Variants in OXR1 observed in about 807,000 individuals in gnomAD.
OXR1 encodes oxidation resistance protein 1.
A neutral mutation model predicts 104.6 loss-of-function variants in OXR1; 41 were observed. That is an observed-to-expected ratio of 0.39 (90% CI 0.31 to 0.51). The LOEUF (loss-of-function observed/expected upper bound fraction) is 0.51. Ranked by LOEUF, OXR1 falls within the 20% of genes least tolerant of loss-of-function variation. The pLI, the probability that OXR1 is intolerant of heterozygous loss-of-function variation, is 0.77. For synonymous variants in OXR1, 348 were observed against 348.4 expected, an observed-to-expected ratio of 1.00 and a Z score of 0.01; for missense variants, 955 against 1,031.9, an observed-to-expected ratio of 0.93 and a Z score of 1.02.
intron 1 of OXR1, among the ~76,000 whole-genome samples, chr8:106,350,690 G>A (rs1417317974): frequency 6.6e-6 from 1 of 152,126 alleles, no homozygotes; most frequent in Non-Finnish European, 1.5e-5. Flanking sequence ...TTTCAGGATA[G>A]GTATCAATAG....
intron 2 of OXR1, among the ~76,000 whole-genome samples, chr8:106,382,682 G>GT (rs35296978): frequency 0.24 from 20,704 of 86,116 alleles, 3,881 homozygotes; most frequent in Non-Finnish European, 0.3. Flanking sequence ...AGAACTATAG[G>GT]TTTTTTTTTT....
chr8:106,362,506 GA>G lies in OXR1; in HGVS notation c.23+2876del, dbSNP rs752416261. Among the ~76,000 whole-genome samples, 12 of 152,040 alleles carry G rather than the reference GA, an allele frequency of 7.9e-5. No individual in the cohort carries two copies. The Middle Eastern group carries it at 0.01, about 129-fold the overall frequency. ...TCTAATAGTTATGTGTATGATACTTGAAAAAATATATAAATAATTTAGCCAT... is the reference window on the plus strand; with the variant it reads ...TCTAATAGTTATGTGTATGATACTTGAAAAATATATAAATAATTTAGCCAT... On this transcript the variant is annotated intron_variant, in intron 2 of 16. Transcript: ENST00000517566.
At chr8:106,637,412 A>G (rs2130921913) in intron 3 of OXR1, among the ~76,000 whole-genome samples, 1 of 152,330 alleles carries the variant, frequency 6.6e-6, no homozygotes, top group Non-Finnish European at 1.5e-5. Flanking sequence ...AGAAAACATA[A>G]GATTAAGACA....
At chr8:106,694,837 A>AAT (rs1289546002) in intron 7 of OXR1, among the ~76,000 whole-genome samples, 2 of 122,702 alleles carry the variant, frequency 1.6e-5, no homozygotes, top group Non-Finnish European at 3.2e-5. Context: ...TTATATATAT[A>AAT]ATATATATAT....
At chr8:106,501,554 A>G (rs2129952378) in intron 2 of OXR1, among the ~76,000 whole-genome samples, 1 of 151,540 alleles carries the variant, frequency 6.6e-6, no homozygotes, top group South Asian at 2.1e-4. Flanking sequence ...GAAGCAGGAG[A>G]AGGAAGCCAC....
intron 3 of OXR1, among the ~76,000 whole-genome samples, chr8:106,642,687 A>G (rs139662849): frequency 2.0e-5 from 3 of 152,330 alleles, no homozygotes; most frequent in African/African-American, 7.2e-5. Flanking sequence ...AAAAAGAAGA[A>G]TCAGGTTTGG....
intron 3 of OXR1, among the ~76,000 whole-genome samples, chr8:106,574,174 C>A (rs1249663364): frequency 6.6e-6 from 1 of 152,120 alleles, no homozygotes; most frequent in African/African-American, 2.4e-5. Context: ...GAAGCAGTAA[C>A]AGTTAGGATA....
chr8:106,707,166 G>A (rs768944789), intron 9 of OXR1, 21 bp downstream of exon 9: 41 of 1,608,578 alleles, frequency 2.5e-5, no homozygotes, highest in Non-Finnish European at 3.5e-5. Flanking sequence ...TAGAGTAAAT[G>A]AAGTTAGTTC....
chr8:106,593,360 G>A (rs1480858621), intron 3 of OXR1, among the ~76,000 whole-genome samples: 2 of 152,142 alleles, frequency 1.3e-5, no homozygotes, highest in Non-Finnish European at 2.9e-5. Context: ...TTTGTATAGA[G>A]ATATCATATA....
At chr8:106,539,409 G>GT (rs1814786145) in intron 3 of OXR1, among the ~76,000 whole-genome samples, 1 of 152,146 alleles carries the variant, frequency 6.6e-6, no homozygotes, top group Admixed American at 6.5e-5. Context: ...GGAATTGTGT[G>GT]TGTCTGTGTT....
intron 8 of OXR1, 47 bp from the exon 9 acceptor site, chr8:106,706,335 A>G (rs373478154): frequency 1.0e-5 from 14 of 1,388,648 alleles, no homozygotes; most frequent in Non-Finnish European, 1.4e-5. Flanking sequence ...AAAGTAAAAT[A>G]CCACAATTTT....
At chr8:106,648,970 A>T (rs1304544228) in intron 3 of OXR1, among the ~76,000 whole-genome samples, 2 of 152,178 alleles carry the variant, frequency 1.3e-5, no homozygotes, top group Non-Finnish European at 2.9e-5. Context: ...TTTGGGAAGC[A>T]GAGGCATGCA....
intron 2 of OXR1, among the ~76,000 whole-genome samples, chr8:106,400,544 GATAATA>G (rs144505697): frequency 5.9e-5 from 9 of 151,988 alleles, no homozygotes; most frequent in African/African-American, 2.2e-4. Flanking sequence ...TTAAAATGCT[GATAATA>G]ATATTTTTAA....
intron 11 of OXR1, 114 bp downstream of exon 11, chr8:106,714,099 G>A (rs1051952652): frequency 2.7e-6 from 2 of 728,426 alleles, no homozygotes; most frequent in East Asian, 6.3e-5. Flanking sequence ...TTTTTTAAAG[G>A]TCAGGTTCAC....
At chr8:106,503,478 G>A (rs1234705178) in intron 2 of OXR1, among the ~76,000 whole-genome samples, 1 of 152,170 alleles carries the variant, frequency 6.6e-6, no homozygotes, top group Non-Finnish European at 1.5e-5. Context: ...AGAGAGGGCT[G>A]TTGTTGATGT....
intron 7 of OXR1, among the ~76,000 whole-genome samples, chr8:106,694,968 G>GT (rs1829847300): frequency 1.2e-5 from 1 of 82,864 alleles, no homozygotes; most frequent in African/African-American, 5.7e-5. Context: ...ATATTTACAT[G>GT]TATATTATAA....
intron 3 of OXR1, among the ~76,000 whole-genome samples, chr8:106,568,763 T>C (rs995453457): frequency 1.3e-5 from 2 of 152,130 alleles, no homozygotes; most frequent in South Asian, 4.1e-4. Flanking sequence ...ATTTTTAAAA[T>C]TAATACCAAC....
At chr8:106,511,724 G>A (rs1477175130) in intron 2 of OXR1, among the ~76,000 whole-genome samples, 1 of 152,162 alleles carries the variant, frequency 6.6e-6, no homozygotes, top group African/African-American at 2.4e-5. Context: ...GGCAGATATA[G>A]CATGAATACC....
chr8:106,494,241 A>G (rs2129888271), intron 2 of OXR1, among the ~76,000 whole-genome samples: 1 of 152,240 alleles, frequency 6.6e-6, no homozygotes. Context: ...ATTGCCCTCT[A>G]GGAGCTGAGG....
Sources: allele counts gnomAD v4.1 joint callset (sites outside exome capture counted in the v4.1 genomes callset), GRCh38; gene constraint gnomAD v4.1.1; transcripts MANE v1.5; gene names NCBI Gene and HGNC (gene_info 2026-07-23, HGNC 2026-07-21).